The following TONSL variants were observed in gnomAD, a reference collection of about 807,000 sequenced individuals.
TONSL encodes the protein tonsoku-like protein.
In TONSL, 112 loss-of-function variants were observed where a neutral mutation model predicts 147.1. The ratio of observed to expected loss-of-function variants is 0.76; its 90% CI spans 0.65 to 0.89. The LOEUF is 0.89. Among genes scored for constraint, TONSL ranks in the 40% least tolerant of loss-of-function variants. TONSL has a pLI of 0.00. For missense variants in TONSL, 1,883 were observed against 1,864.6 expected (o/e 1.01, Z -0.18); for synonymous variants, 868 against 801.5 (o/e 1.08, Z -1.40).
intron 25 of TONSL, 41 bp from the exon 26 acceptor site, chr8:144,429,377 CGG>C: frequency 7.4e-7 from 1 of 1,357,528 alleles, no homozygotes. Context: ...CTGCGGGGGC[CGG>C]CGGCGTCCTG....
intron 7 of TONSL, 58 bp from the exon 8 acceptor site, chr8:144,441,169 C>T: frequency 1.3e-6 from 2 of 1,592,888 alleles, no homozygotes; most frequent in Admixed American, 3.4e-5. Flanking sequence ...CCCAGCTCTA[C>T]CACCTGCAAG....
At position 144,443,230 on chromosome 8, in the gene TONSL, T is replaced by G; in HGVS notation, c.356A>C (p.Asp119Ala). Residue 119 changes from aspartate to alanine, a missense_variant, in exon 4 of 26, where the codon GAC (aspartate) becomes GCC (alanine). Transcript: ENST00000409379. ...CCTCGACTGGCAGTGGTCATAGATG[T>G]CCAGGTGGGTGCGGCCGATGGTGGC... ...AWATIGRTHL[D>A]IYDHCQSRDA... is the part of the protein sequence containing the mutation. 1 of 1,550,814 alleles carries G rather than the reference T, an allele frequency of 6.4e-7. No homozygotes were observed. The highest frequency in any genetic ancestry group is 1.2e-5 in the South Asian group (1 of 84,064).
Position 144,440,081 on chromosome 8 carries a change from C to T in TONSL, c.1420G>A (p.Ala474Thr). 6.2e-7 allele frequency: 1 copy of T among 1,601,178 alleles called. No homozygotes were observed. The highest frequency in any genetic ancestry group is 1.1e-5 in the South Asian group (1 of 90,762). The change falls in exon 11 of 26, where the codon GCG (alanine) becomes ACG (threonine). Residue 474 changes from alanine to threonine, a missense_variant. Transcript: ENST00000409379. Reference sequence around the variant, plus strand: ...GCTTCGCTCTCCGCTGTGGCTGCCGCCTCCTCCGCCTCCTCCTCCTCATCT... The same window carrying T: ...GCTTCGCTCTCCGCTGTGGCTGCCGTCTCCTCCGCCTCCTCCTCCTCATCT... Reference protein sequence around the residue: ...DEDEEEEAEEAAATAESEALE... With the variant: ...DEDEEEEAEETAATAESEALE...
In TONSL at chr8:144,436,627, G is replaced by A. The variant is rs893758251; in HGVS notation, c.1945C>T (p.Leu649=). ...GCCTTCTGCCGCGTCTCCAGGTCCA[G>A]GTCCCTGCGGTACAGCTTCACCCAC... The part of the protein sequence containing the change: ...QQWVKLYRRD[L]DLETRQKARA... Residue 649 remains leucine (L), a synonymous_variant, in exon 16 of 26, where the codon CTG becomes TTG. Transcript: ENST00000409379. The A allele has an allele frequency of 1.9e-6, 3 of 1,612,140 alleles. No individual in the cohort carries two copies. The highest frequency in any genetic ancestry group is 3.3e-5 in the Admixed American group (2 of 60,024).
In TONSL at chr8:144,432,211, G is replaced by A. The variant is rs534992863; in HGVS notation, c.3735+74C>T. ...GTTCAGCCCGAATCTGGGGAGAGGC[G>A]AGCTCCTCCCAGCAACCCTGGGACC... On this transcript the variant is annotated intron_variant, in intron 23 of 25. Transcript: ENST00000409379. 2,538 of 1,497,456 alleles carry A rather than the reference G, an allele frequency of 1.7e-3. 4 individuals are homozygous for A. Among genetic ancestry groups the A allele is most frequent in the Non-Finnish European group, 2.2e-3 (2,387 of 1,091,180 alleles). 92.8% of individuals were successfully genotyped at this position (1,497,456 alleles called of 1,614,324 possible).
Position 144,436,748 on chromosome 8 carries a change from C to T in TONSL, c.1890+9G>A, listed in dbSNP as rs1586689460. ...ACCTCGCCCTTGCCCTCTGCCCCAC[C>T]AGGCTCACCTTTCGAGTGCGGAGGG... is the stretch of plus-strand genomic sequence containing the variant. On this transcript the variant is annotated intron_variant, in intron 15 of 25. Transcript: ENST00000409379. 6.2e-7 allele frequency: 1 copy of T among 1,610,546 alleles called. No homozygotes were observed. Among genetic ancestry groups the T allele is most frequent in the East Asian group, 2.2e-5 (1 of 44,852 alleles).
Position 144,432,375 on chromosome 8 carries a change from G to A in TONSL, c.3645C>T (p.Ala1215=), listed in dbSNP as rs544481426. The change falls in exon 23 of 26, where the codon GCC becomes GCT. Residue 1215 remains alanine, a synonymous_variant. Coordinates refer to ENST00000409379, the MANE Select transcript of TONSL (RefSeq NM_013432.5). ...TGAGCTCTAAGTGCAGGAGGGTGCC[G>A]GCGGGCAGGCTCTGCAGGGTCCTGG... ...ALARTLQSLP[A]GTLLHLELSS... The A allele has an allele frequency of 1.1e-5, 18 of 1,612,436 alleles. No homozygotes were observed. Among genetic ancestry groups the A allele is most frequent in the East Asian group, 6.7e-5 (3 of 44,816 alleles).
chr8:144,440,046 G>T lies in TONSL; in HGVS notation c.1455C>A (p.Ala485=). ...CGCCCTCTGAGAGCTCCACCTCGCC[G>T]GCCTCCAGGGCTTCGCTCTCCGCTG... ...AATAESEALE[A]GEVELSEGED... is the part of the protein sequence containing the mutation. Residue 485 remains alanine (A), a synonymous_variant, in exon 11 of 26, where the codon GCC becomes GCA. Transcript: ENST00000409379. The T allele has an allele frequency of 6.8e-7, 1 of 1,460,614 alleles. No homozygotes were observed. Among genetic ancestry groups the T allele is most frequent in the Non-Finnish European group, 9.6e-7 (1 of 1,042,114 alleles). 90.5% of individuals were successfully genotyped at this position (1,460,614 alleles called of 1,614,324 possible). A position where few individuals can be genotyped will look rare whatever the true frequency, so the allele number is the denominator to read the frequency against.
At position 144,439,631 on chromosome 8, in the gene TONSL, G is replaced by A. The variant is rs565113677; in HGVS notation, c.1480+390C>T. 4.0e-3 allele frequency among the ~76,000 whole-genome samples: 611 copies of A among 152,344 alleles called. 3 individuals are homozygous for A. The highest frequency in any genetic ancestry group is 6.5e-3 in the Non-Finnish European group (439 of 68,034). On this transcript the variant is annotated intron_variant, in intron 11 of 25. Coordinates refer to ENST00000409379, the MANE Select transcript of TONSL (RefSeq NM_013432.5). ...CCAGTCCCTCATGCCTGCCCTCCGT[G>A]CAGCTGATGTCGCCAGCCTCTGGAG...
chr8:144,439,450 G>A (rs1481642466), intron 11 of TONSL, among the ~76,000 whole-genome samples: 1 of 126,108 alleles, frequency 7.9e-6, no homozygotes, highest in Non-Finnish European at 1.9e-5. Context: ...TGAAGTCACA[G>A]CCTTCCCTGG....
rs143207385 is a variant in TONSL, at chr8:144,434,115, C to A, written c.3250G>T (p.Asp1084Tyr). ...ELRLAGNRLG[D>Y]KCVAELVAAL... Reference sequence around the variant, plus strand: ...GCCACCAGCTCAGCCACACACTTGTCCCCCAGCCGGTTCCCTGCCAGGCGC... The same window carrying A: ...GCCACCAGCTCAGCCACACACTTGTACCCCAGCCGGTTCCCTGCCAGGCGC... The change falls in exon 21 of 26, where the codon GAC becomes TAC. Residue 1084 changes from aspartate to tyrosine, a missense_variant. Physicochemically the swap from Asp to Tyr is radical, Grantham distance 160 (BLOSUM62 -3). Coordinates refer to ENST00000409379, the MANE Select transcript of TONSL (RefSeq NM_013432.5). 1.9e-6 allele frequency: 3 copies of A among 1,612,238 alleles called. No individual in the cohort carries two copies. Among genetic ancestry groups the A allele is most frequent in the Non-Finnish European group, 1.7e-6 (2 of 1,179,618 alleles).
chr8:144,444,198 C>A lies in TONSL; in HGVS notation c.103G>T (p.Glu35Ter). The A allele has an allele frequency of 2.7e-6, 4 of 1,457,006 alleles. No individual in the cohort carries two copies. The highest frequency in any genetic ancestry group is 3.6e-6 in the Non-Finnish European group (4 of 1,108,308). 90.3% of individuals were successfully genotyped at this position (1,457,006 alleles called of 1,614,324 possible). Residue 35 changes from glutamate (E) to a stop codon, truncating the protein, a stop_gained, in exon 2 of 26, where the codon GAG becomes TAG. Transcript: ENST00000409379. LOFTEE classifies it high-confidence loss of function. The stretch of plus-strand genomic sequence containing the variant: ...CGCTCACCATGGCCGGCCAGGAGCT[C>A]CCCCAGCTGGTGGCACAGCGCGGCC... ...EEAALCHQLGELLAGHGRYAE... is the reference protein window; with the variant it reads ...EEAALCHQLG
chr8:144,433,665 G>T lies in TONSL; in HGVS notation c.3482C>A (p.Thr1161Asn). The change falls in exon 22 of 26, where the codon ACC becomes AAC. Residue 1161 changes from threonine (T) to asparagine (N), a missense_variant. Thr to Asn is a moderately conservative substitution (Grantham distance 65, BLOSUM62 0). Transcript: ENST00000409379. ...GAAGCCACACGCCTGCAGGCGCAGG[G>T]TGCTGAGTAAGGGGCAGGCGTGCAG... ...SLLHACPLLSTLRLQACGFGP... is the reference protein window; with the variant it reads ...SLLHACPLLSNLRLQACGFGP... 1.2e-6 allele frequency: 2 copies of T among 1,613,230 alleles called. No individual in the cohort carries two copies. Among genetic ancestry groups the T allele is most frequent in the Non-Finnish European group, 1.7e-6 (2 of 1,179,958 alleles).
chr8:144,442,656 T>G (rs753360396), intron 5 of TONSL, 21 bp downstream of exon 5: 1 of 1,608,064 alleles, frequency 6.2e-7, no homozygotes, highest in Admixed American at 1.7e-5. Flanking sequence ...CACTCCCTCC[T>G]GGGGCGGGGC....
intron 13 of TONSL, 105 bp from the exon 14 acceptor site, chr8:144,437,204 G>T: frequency 8.5e-7 from 1 of 1,174,060 alleles, no homozygotes; most frequent in Non-Finnish European, 1.2e-6. Context: ...CAGTCTTAGA[G>T]CCCAGAGCAA....
At position 144,431,072 on chromosome 8, in the gene TONSL, C is replaced by A; in HGVS notation, c.3809+6G>T. On this transcript the variant is annotated splice_donor_region_variant and intron_variant, in intron 24 of 25. Transcript: ENST00000409379. The stretch of plus-strand genomic sequence containing the variant: ...AGGTCAGCAGGCAGCAGGGAAAGGG[C>A]GTTACCTGCACAGGTCTCTAACAGC... The A allele has an allele frequency of 6.2e-7, 1 of 1,614,032 alleles. No homozygotes were observed. The highest frequency in any genetic ancestry group is 1.1e-5 in the South Asian group (1 of 91,072).
chr8:144,442,431 C>A lies in TONSL; in HGVS notation c.579-19G>T. ...GTTCTGCCTGCAGAGGGGTGACGAC[C>A]ACTGAGCACCCAGGAGTGTCCATGA... On this transcript the variant is annotated intron_variant, in intron 5 of 25. Transcript: ENST00000409379. 6.6e-7 allele frequency: 1 copy of A among 1,526,212 alleles called. No individual in the cohort carries two copies. Among genetic ancestry groups the A allele is most frequent in the South Asian group, 1.3e-5 (1 of 78,596 alleles). 94.5% of individuals were successfully genotyped at this position (1,526,212 alleles called of 1,614,324 possible).
At position 144,433,983 on chromosome 8, in the gene TONSL, A is replaced by G. The variant is rs782478845; in HGVS notation, c.3382T>C (p.Leu1128=). Residue 1128 remains leucine, a synonymous_variant, in exon 21 of 26, where the codon TTG becomes CTG. Transcript: ENST00000409379. The part of the protein sequence containing the change: ...LAMGLPGQAT[L]QSLEELDLSM... ...GCTGCTCTCTGTGCCTATACCTGCAAGGTGGCTTGGCCTGGGAGCCCCATG... is the reference window on the plus strand; with the variant it reads ...GCTGCTCTCTGTGCCTATACCTGCAGGGTGGCTTGGCCTGGGAGCCCCATG... 1.9e-6 allele frequency: 3 copies of G among 1,583,556 alleles called. No homozygotes were observed. The highest frequency in any genetic ancestry group is 2.6e-6 in the Non-Finnish European group (3 of 1,162,490).
intron 11 of TONSL, among the ~76,000 whole-genome samples, chr8:144,439,026 C>T (rs541746648): frequency 1.3e-5 from 2 of 152,250 alleles, no homozygotes; most frequent in South Asian, 2.1e-4. Context: ...AGAAGGCCTG[C>T]CCGAGGCCCC....
Sources: gnomAD v4.1 joint callset for allele counts (sites outside exome capture counted in the v4.1 genomes callset) on GRCh38, gnomAD v4.1.1 for gene constraint, MANE v1.5 for transcripts, NCBI Gene and HGNC (gene_info 2026-07-23, HGNC 2026-07-21) for gene names.